Variants in CNTNAP2 observed in about 807,000 individuals in gnomAD.
CNTNAP2 encodes the protein contactin associated protein 2.
A neutral mutation model predicts 155.2 loss-of-function variants in CNTNAP2; 98 were observed. The ratio of observed to expected loss-of-function variants is 0.63; its 90% CI spans 0.54 to 0.75. CNTNAP2 has a LOEUF of 0.75. CNTNAP2 is among the 30% of genes least tolerant of loss of function. The pLI, the probability that CNTNAP2 is intolerant of heterozygous loss-of-function variation, is 0.00. For missense variants in CNTNAP2, 1,727 were observed against 1,688.1 expected (o/e 1.02, Z -0.40); for synonymous variants, 651 against 631.2 (o/e 1.03, Z -0.47).
chr7:147,624,643 C>G (rs1422262265), intron 12 of CNTNAP2, among the ~76,000 whole-genome samples: 4 of 152,088 alleles, frequency 2.6e-5, no homozygotes, highest in African/African-American at 9.7e-5. Flanking sequence ...ACAGGAAATC[C>G]TCATACACTG....
intron 1 of CNTNAP2, among the ~76,000 whole-genome samples, chr7:146,486,767 G>A (rs1301174290): frequency 2.0e-5 from 3 of 152,204 alleles, no homozygotes; most frequent in Admixed American, 2.0e-4. Context: ...GCCAAGAGAG[G>A]TGCTTGACAG....
At chr7:147,256,584 G>A (rs996279235) in intron 8 of CNTNAP2, among the ~76,000 whole-genome samples, 3 of 152,018 alleles carry the variant, frequency 2.0e-5, no homozygotes, top group East Asian at 1.9e-4. Flanking sequence ...AGAATAAAGA[G>A]GTAGAACAAT....
intron 1 of CNTNAP2, among the ~76,000 whole-genome samples, chr7:146,502,125 T>G (rs1397581899): frequency 1.3e-5 from 2 of 151,266 alleles, no homozygotes; most frequent in African/African-American, 2.4e-5. Context: ...TGGCCTATTT[T>G]ATTTACCATA....
At chr7:147,910,697 C>T (rs963891736) in intron 14 of CNTNAP2, among the ~76,000 whole-genome samples, 1 of 152,128 alleles carries the variant, frequency 6.6e-6, no homozygotes, top group Non-Finnish European at 1.5e-5. Flanking sequence ...AGAACTTGTG[C>T]AGGAGAACTC....
intron 20 of CNTNAP2, among the ~76,000 whole-genome samples, chr7:148,238,695 G>C (rs1488973337): frequency 6.6e-6 from 1 of 152,194 alleles, no homozygotes; most frequent in Non-Finnish European, 1.5e-5. Context: ...ACAGCACACA[G>C]TATCATACAC....
At chr7:146,943,102 C>T (rs1225762053) in intron 3 of CNTNAP2, among the ~76,000 whole-genome samples, 1 of 152,054 alleles carries the variant, frequency 6.6e-6, no homozygotes, top group African/African-American at 2.4e-5. Flanking sequence ...ATTTTTGACT[C>T]CTAAAAAACA....
intron 1 of CNTNAP2, among the ~76,000 whole-genome samples, chr7:146,510,051 A>G (rs1019726079): frequency 6.6e-6 from 1 of 152,138 alleles, no homozygotes; most frequent in Non-Finnish European, 1.5e-5. Context: ...CCAATTGTCA[A>G]GTTCCAGTTC....
chr7:146,386,634 C>T (rs1795465638), intron 1 of CNTNAP2, among the ~76,000 whole-genome samples: 1 of 152,188 alleles, frequency 6.6e-6, no homozygotes, highest in African/African-American at 2.4e-5. Context: ...TATCCACCCA[C>T]CTTGGCCTCC....
chr7:148,070,093 TA>T (rs1182203137), intron 15 of CNTNAP2, among the ~76,000 whole-genome samples: 1 of 152,192 alleles, frequency 6.6e-6, no homozygotes, highest in Non-Finnish European at 1.5e-5. Context: ...CCAGGCTCTG[TA>T]ACTAATATAT....
chr7:148,264,944 C>T (rs1346131955), intron 20 of CNTNAP2, among the ~76,000 whole-genome samples: 2 of 152,186 alleles, frequency 1.3e-5, no homozygotes, highest in Non-Finnish European at 2.9e-5. Flanking sequence ...CCACCCACCT[C>T]GGCCTCCCAA....
In CNTNAP2 at chr7:146,426,185, C is replaced by CAAAAA. The variant is rs57484419; in HGVS notation, c.97+309233_97+309237dup. On this transcript the variant is annotated intron_variant, in intron 1 of 23. Transcript: ENST00000361727. The stretch of plus-strand genomic sequence containing the variant: ...TGGGCTACAGAGTGAGACTTCGCCT[C>CAAAAA]AAAAAAAAAAAAAAAAAAAAAAAAA... 4.6e-3 allele frequency among the ~76,000 whole-genome samples: 252 copies of CAAAAA among 54,630 alleles called. 10 individuals are homozygous for CAAAAA. The highest frequency in any genetic ancestry group is 1.0e-2 in the African/African-American group (134 of 13,458). 35.8% of individuals were successfully genotyped at this position (54,630 alleles called of 152,430 possible). A position where few individuals can be genotyped will look rare whatever the true frequency, so the allele number is the denominator to read the frequency against.
chr7:147,903,456 G>T, intron 13 of CNTNAP2, 109 bp from the exon 14 acceptor site: 1 of 1,195,004 alleles, frequency 8.4e-7, no homozygotes, highest in South Asian at 1.3e-5. Flanking sequence ...TAAGAGGGTT[G>T]AGTGATGTTC....
At chr7:146,378,111 A>G (rs1795329699) in intron 1 of CNTNAP2, among the ~76,000 whole-genome samples, 2 of 152,202 alleles carry the variant, frequency 1.3e-5, no homozygotes, top group Non-Finnish European at 2.9e-5. Flanking sequence ...AGACCAGCTC[A>G]GTGCTTGGAG....
intron 15 of CNTNAP2, among the ~76,000 whole-genome samples, chr7:148,041,325 A>C (rs1802670598): frequency 1.3e-5 from 2 of 152,244 alleles, no homozygotes; most frequent in Non-Finnish European, 2.9e-5. Context: ...CAAACCCTTA[A>C]TGGAAGGATT....
chr7:147,054,483 C>T (rs1446781576), intron 4 of CNTNAP2, among the ~76,000 whole-genome samples: 1 of 152,014 alleles, frequency 6.6e-6, no homozygotes, highest in African/African-American at 2.4e-5. Context: ...TAGATGATTG[C>T]AGAGAGTACT....
chr7:147,378,042 A>G (rs1159501553), intron 9 of CNTNAP2: 1 of 467,928 alleles, frequency 2.1e-6, no homozygotes, highest in African/African-American at 2.0e-5. Context: ...TATTGTTCCA[A>G]AAGTAATTAC....
intron 6 of CNTNAP2, among the ~76,000 whole-genome samples, chr7:147,125,630 T>C (rs989352800): frequency 3.3e-5 from 5 of 152,182 alleles, no homozygotes; most frequent in Non-Finnish European, 5.9e-5. Flanking sequence ...AATGACTCTC[T>C]TGACCATTGC....
chr7:147,309,135 T>A (rs761050915), intron 9 of CNTNAP2, among the ~76,000 whole-genome samples: 1 of 152,044 alleles, frequency 6.6e-6, no homozygotes, highest in African/African-American at 2.4e-5. Context: ...TGGAGGGGGG[T>A]AGAAAGTAAA....
chr7:146,596,972 A>C (rs1798871644), intron 1 of CNTNAP2, among the ~76,000 whole-genome samples: 1 of 152,100 alleles, frequency 6.6e-6, no homozygotes, highest in Non-Finnish European at 1.5e-5. Flanking sequence ...GGGTGTCAGT[A>C]ACCGTAAATA....
Sources: gnomAD v4.1 joint callset for allele counts (sites outside exome capture counted in the v4.1 genomes callset) on GRCh38, gnomAD v4.1.1 for gene constraint, MANE v1.5 for transcripts, NCBI Gene and HGNC (gene_info 2026-07-23, HGNC 2026-07-21) for gene names.